GRAP2: variants seen among roughly 807,000 people sequenced by gnomAD.
The protein encoded by GRAP2 is GRB2 related adaptor protein 2.
In GRAP2, 31 loss-of-function variants were observed where a neutral mutation model predicts 43.5. The ratio of observed to expected loss-of-function variants is 0.71; its 90% confidence interval spans 0.54 to 0.96. The LOEUF is 0.96. Ranked by LOEUF, GRAP2 falls within the 40% of genes least tolerant of loss-of-function variation. The pLI is 0.00. For synonymous variants in GRAP2, 156 were observed against 164.8 expected, an observed-to-expected ratio of 0.95 and a Z score of 0.41; for missense variants, 371 against 424.4, an observed-to-expected ratio of 0.87 and a Z score of 1.11.
intron 2 of GRAP2, among the ~76,000 whole-genome samples, chr22:39,954,624 G>C (rs1373021993): frequency 1.3e-5 from 2 of 152,102 alleles, no homozygotes; most frequent in Non-Finnish European, 1.5e-5. Flanking sequence ...CGAACTCCTG[G>C]CCTCAAGTGA....
chr22:39,951,122 A>T (rs983124698), intron 2 of GRAP2, among the ~76,000 whole-genome samples: 1 of 151,886 alleles, frequency 6.6e-6, no homozygotes, highest in East Asian at 1.9e-4. Context: ...TGCTCACTAG[A>T]TGGTGATCTA....
intron 1 of GRAP2, among the ~76,000 whole-genome samples, chr22:39,932,107 A>G (rs916721376): frequency 6.6e-6 from 1 of 152,204 alleles, no homozygotes; most frequent in Non-Finnish European, 1.5e-5. Context: ...CTTGTGGGAC[A>G]GGCGTTGCAT....
At chr22:39,932,462 G>A (rs761897667) in intron 1 of GRAP2, among the ~76,000 whole-genome samples, 13 of 147,872 alleles carry the variant, frequency 8.8e-5, no homozygotes, top group Non-Finnish European at 1.6e-4. Flanking sequence ...TTTAATCCCA[G>A]CACTTTGGGA....
intron 1 of GRAP2, among the ~76,000 whole-genome samples, chr22:39,913,441 G>A (rs1189543376): frequency 1.3e-5 from 2 of 152,174 alleles, no homozygotes; most frequent in Non-Finnish European, 2.9e-5. Context: ...CAGGAACAAG[G>A]CAGAATCCTG....
At chr22:39,934,592 G>T (rs1332807640) in intron 1 of GRAP2, among the ~76,000 whole-genome samples, 1 of 152,210 alleles carries the variant, frequency 6.6e-6, no homozygotes, top group African/African-American at 2.4e-5. Flanking sequence ...AGTCAGAAAG[G>T]TTAAATGTGA....
intron 1 of GRAP2, among the ~76,000 whole-genome samples, chr22:39,943,878 C>T (rs1337391748): frequency 1.3e-5 from 2 of 152,008 alleles, no homozygotes; most frequent in Non-Finnish European, 2.9e-5. Flanking sequence ...CACCACCATG[C>T]CCAGCTAATT....
intron 2 of GRAP2, among the ~76,000 whole-genome samples, chr22:39,952,258 C>G (rs1031596868): frequency 6.6e-6 from 1 of 152,016 alleles, no homozygotes; most frequent in Non-Finnish European, 1.5e-5. Flanking sequence ...AACTCCTGAC[C>G]TTAGGTGATC....
intron 1 of GRAP2, among the ~76,000 whole-genome samples, chr22:39,918,188 A>G (rs922205327): frequency 2.6e-5 from 4 of 152,156 alleles, no homozygotes; most frequent in African/African-American, 7.2e-5. Flanking sequence ...CATCTCTTCT[A>G]CTGGGGAGGG....
chr22:39,930,597 T>C (rs2066747015), intron 1 of GRAP2, among the ~76,000 whole-genome samples: 1 of 152,238 alleles, frequency 6.6e-6, no homozygotes, highest in Non-Finnish European at 1.5e-5. Flanking sequence ...CTGCGATGCT[T>C]TCTCCATCTT....
In GRAP2 at chr22:39,924,688, C is replaced by T. The variant is rs187088900; in HGVS notation, c.-14-22405C>T. Among the ~76,000 whole-genome samples the T allele has an allele frequency of 2.0e-3, 305 of 151,864 alleles. 2 individuals are homozygous for T. The highest frequency in any genetic ancestry group is 3.0e-3 in the Non-Finnish European group (203 of 67,932). Reference sequence around the variant, plus strand: ...CTACACTCTAGCCTGGGTGACAAAACGAGACTCCGTCTCAAAAAAAAAAAG... The same window carrying T: ...CTACACTCTAGCCTGGGTGACAAAATGAGACTCCGTCTCAAAAAAAAAAAG... On this transcript the variant is annotated intron_variant, in intron 1 of 7. Transcript: ENST00000344138.
At chr22:39,900,218 A>T (rs564867653), upstream of GRAP2, among the ~76,000 whole-genome samples, 1 of 152,318 alleles carries the variant, frequency 6.6e-6, no homozygotes, top group Non-Finnish European at 1.5e-5. Flanking sequence ...TTGCAGAAAA[A>T]GTTTAAATTT....
chr22:39,969,646 G>T (rs1233656092), intron 7 of GRAP2, 113 bp downstream of exon 7: 1 of 1,137,090 alleles, frequency 8.8e-7, no homozygotes, highest in Non-Finnish European at 1.3e-6. Context: ...GGGCACGGTG[G>T]CTCACACCTG....
chr22:39,909,853 A>C (rs1301892440), intron 1 of GRAP2, among the ~76,000 whole-genome samples: 1 of 152,228 alleles, frequency 6.6e-6, no homozygotes, highest in Non-Finnish European at 1.5e-5. Context: ...AAAGCTTTAC[A>C]CTTCAAGGAA....
At chr22:39,967,535 C>A (rs1378483526) in intron 5 of GRAP2, among the ~76,000 whole-genome samples, 2 of 152,194 alleles carry the variant, frequency 1.3e-5, no homozygotes, top group Non-Finnish European at 2.9e-5. Flanking sequence ...GGCCTTACTT[C>A]TTCCCCCACG....
chr22:39,964,741 A>G, intron 4 of GRAP2: 1 of 465,200 alleles, frequency 2.1e-6, no homozygotes, highest in South Asian at 3.6e-5. Flanking sequence ...AAAATCTTCC[A>G]GTGGCTCATC....
chr22:39,937,360 C>T (rs1204175735), intron 1 of GRAP2, among the ~76,000 whole-genome samples: 1 of 152,186 alleles, frequency 6.6e-6, no homozygotes, highest in East Asian at 1.9e-4. Context: ...CTCCCCACTT[C>T]CCCTTGGTTA....
At chr22:39,937,927 T>C (rs1411685804) in intron 1 of GRAP2, among the ~76,000 whole-genome samples, 1 of 152,118 alleles carries the variant, frequency 6.6e-6, no homozygotes, top group African/African-American at 2.4e-5. Context: ...AGAAAGATAC[T>C]TTTCTTACAA....
chr22:39,895,721 T>C, the GRAP2 span, among the ~76,000 whole-genome samples: 1 of 152,212 alleles, frequency 6.6e-6, no homozygotes, highest in African/African-American at 2.4e-5. Context: ...AGCACTATGC[T>C]GAGCTATGAG....
rs1034146296 is a variant in GRAP2 at position 39,964,822 on chromosome 22, C to G, written c.291-1168C>G. 8.7e-6 allele frequency: 3 copies of G among 344,104 alleles called. No homozygotes were observed. In the Admixed American group the frequency reaches 1.3e-4, roughly 15 times the overall value. 21.3% of individuals were successfully genotyped at this position (344,104 alleles called of 1,614,324 possible). ...ATTTAAAGTAAAACCAGCTCAGAAT[C>G]TTGCCAGAATCTGCTCTTTGGTCGT... On this transcript the variant is annotated intron_variant, in intron 4 of 7. Coordinates refer to ENST00000344138, the MANE Select transcript of GRAP2 (RefSeq NM_004810.4).
Sources: allele counts gnomAD v4.1 joint callset (sites outside exome capture counted in the v4.1 genomes callset), GRCh38; gene constraint gnomAD v4.1.1; transcripts MANE v1.5; gene names NCBI Gene and HGNC (gene_info 2026-07-23, HGNC 2026-07-21).